The following XRCC5 variants were observed in gnomAD, a reference collection of about 807,000 sequenced individuals.
XRCC5 encodes X-ray repair cross complementing 5, also known as DNA repair protein Ku80.
A neutral mutation model predicts 95.7 loss-of-function variants in XRCC5; 12 were observed. That is an observed-to-expected ratio of 0.13 (90% CI 0.08 to 0.20). XRCC5 has a LOEUF of 0.20. Ranked by LOEUF, XRCC5 falls within the 10% of genes least tolerant of loss-of-function variation. The probability of loss-of-function intolerance (pLI) is 1.00; values close to 1 mark genes in which losing one functional copy is unlikely to be tolerated. For missense variants in XRCC5, 595 were observed against 873.9 expected (o/e 0.68, Z 4.02); for synonymous variants, 281 against 290.3 (o/e 0.97, Z 0.33).
At chr2:216,123,101 T>G (rs1305133217) in intron 6 of XRCC5, among the ~76,000 whole-genome samples, 1 of 152,210 alleles carries the variant, frequency 6.6e-6, no homozygotes. Flanking sequence ...GGGGTAATAC[T>G]GCTTGATATT....
chr2:216,137,499 T>G (rs940983851), intron 11 of XRCC5, among the ~76,000 whole-genome samples: 1 of 152,186 alleles, frequency 6.6e-6, no homozygotes, highest in Non-Finnish European at 1.5e-5. Flanking sequence ...AATCTTTTTA[T>G]TAAGTATTAT....
intron 16 of XRCC5, among the ~76,000 whole-genome samples, chr2:216,163,597 C>G (rs1375468624): frequency 1.9e-5 from 2 of 106,452 alleles, no homozygotes; most frequent in Admixed American, 8.7e-5. Context: ...CCACCGTGCC[C>G]GGCCCAAAAA....
chr2:216,198,600 A>G (rs182142012), intron 19 of XRCC5, among the ~76,000 whole-genome samples: 1 of 151,852 alleles, frequency 6.6e-6, no homozygotes, highest in Non-Finnish European at 1.5e-5. Context: ...CTGTTGCCCA[A>G]GCTGGAGTGT....
intron 18 of XRCC5, among the ~76,000 whole-genome samples, chr2:216,193,339 ATTTTCT>A (rs1348770829): frequency 6.6e-6 from 1 of 151,886 alleles, no homozygotes; most frequent in Non-Finnish European, 1.5e-5. Context: ...ACATGACCTG[ATTTTCT>A]TTTAGAACCC....
At chr2:216,156,589 T>G in intron 14 of XRCC5, 1 of 582,406 alleles carries the variant, frequency 1.7e-6, no homozygotes, top group Non-Finnish European at 3.4e-6. Flanking sequence ...CACGAACTTG[T>G]GCCAGTAGAA....
rs563083306 is a variant in XRCC5, at chr2:216,117,612, G to A, written c.320-134G>A. ...TATGTTAGTGAACTTTGGAAGAAGGGCACTCAGGCAAGTACTTTAAGTCAT... is the reference window on the plus strand; with the variant it reads ...TATGTTAGTGAACTTTGGAAGAAGGACACTCAGGCAAGTACTTTAAGTCAT... On this transcript the variant is annotated intron_variant, in intron 3 of 20. Transcript: ENST00000392132. 9 of 737,942 alleles carry A rather than the reference G, an allele frequency of 1.2e-5. No individual in the cohort carries two copies. The African/African-American group carries it at 1.6e-4, about 13-fold the overall frequency. The allele number at this position is 737,942 out of a possible 1,614,324, so 45.7% of individuals were successfully genotyped here. A position where few individuals can be genotyped will look rare whatever the true frequency, so the allele number is the denominator to read the frequency against.
chr2:216,177,265 C>T (rs1226322132), intron 16 of XRCC5, among the ~76,000 whole-genome samples: 3 of 152,074 alleles, frequency 2.0e-5, no homozygotes, highest in Non-Finnish European at 4.4e-5. Flanking sequence ...TTTTCCGTGA[C>T]GTTTTGAGTA....
intron 16 of XRCC5, among the ~76,000 whole-genome samples, chr2:216,177,237 T>C (rs4672793): frequency 0.056 from 8,468 of 152,294 alleles, 993 homozygotes; most frequent in East Asian, 0.45. Context: ...ATCTGTCTTT[T>C]GACTTTCTAT....
intron 6 of XRCC5, among the ~76,000 whole-genome samples, chr2:216,125,202 CT>C (rs533096830): frequency 0.096 from 13,318 of 138,702 alleles, 1,856 homozygotes; most frequent in African/African-American, 0.32. Context: ...TTCCTTTTTT[CT>C]TTTTTTTTTT....
At chr2:216,157,475 C>G (rs1235205605) in intron 14 of XRCC5, among the ~76,000 whole-genome samples, 3 of 152,158 alleles carry the variant, frequency 2.0e-5, no homozygotes, top group Non-Finnish European at 4.4e-5. Flanking sequence ...CCTCGTGATC[C>G]GCCTGCCTCA....
chr2:216,187,819 ACACTCTCTCTCTCT>A (rs1253816529), intron 16 of XRCC5, among the ~76,000 whole-genome samples: 22 of 51,006 alleles, frequency 4.3e-4, no homozygotes, highest in African/African-American at 1.4e-3. Context: ...ACACACACAC[ACACTCTCTCTCTCT>A]CTCTCTCTCT....
intron 16 of XRCC5, among the ~76,000 whole-genome samples, chr2:216,182,586 C>G (rs1054596316): frequency 1.3e-5 from 2 of 152,136 alleles, no homozygotes; most frequent in Non-Finnish European, 2.9e-5. Context: ...CTAGTCTTCA[C>G]CCCCCACCAC....
rs1173918907 is a variant in XRCC5 at position 216,190,459 on chromosome 2, T to C, written c.1944+125T>C. The C allele has an allele frequency of 3.2e-5, 22 of 691,248 alleles. No individual in the cohort carries two copies. In the East Asian group the frequency reaches 6.0e-4, roughly 19 times the overall value. 42.8% of individuals were successfully genotyped at this position (691,248 alleles called of 1,614,324 possible). A position where few individuals can be genotyped will look rare whatever the true frequency, so the allele number is the denominator to read the frequency against. On this transcript the variant is annotated intron_variant, in intron 17 of 20. Transcript: ENST00000392132. ...TTATCATTCTCAATATGAATAGCAG[T>C]GTATGCCAGTGGAGCTAAAAATGAC...
intron 12 of XRCC5, among the ~76,000 whole-genome samples, chr2:216,138,888 A>G (rs909233620): frequency 5.3e-5 from 8 of 152,218 alleles, no homozygotes; most frequent in South Asian, 2.1e-4. Context: ...CTGTGTTAAG[A>G]TTAGGGAATT....
chr2:216,200,116 A>G (rs1005871081), intron 19 of XRCC5, among the ~76,000 whole-genome samples: 2 of 152,116 alleles, frequency 1.3e-5, no homozygotes, highest in African/African-American at 4.8e-5. Flanking sequence ...AATTGACTGG[A>G]ATCCAGACCC....
At chr2:216,184,076 T>G (rs1689446109) in intron 16 of XRCC5, among the ~76,000 whole-genome samples, 2 of 100,176 alleles carry the variant, frequency 2.0e-5, no homozygotes, top group South Asian at 3.4e-4. Flanking sequence ...GTGTGTGTGA[T>G]TTAGAGAAAA....
chr2:216,194,958 G>C lies in XRCC5; in HGVS notation c.2081G>C (p.Ser694Thr). 6.2e-7 allele frequency: 1 copy of C among 1,614,186 alleles called. No individual in the cohort carries two copies. Among genetic ancestry groups the C allele is most frequent in the Non-Finnish European group, 8.5e-7 (1 of 1,180,022 alleles). The part of the protein sequence containing the change: ...TLITKEEASG[S>T]SVTAEEAKKF... Reference sequence around the variant, plus strand: ...ATCACCAAAGAGGAAGCCTCTGGAAGTTCTGTCACAGCTGAGGAAGCCAAA... The same window carrying C: ...ATCACCAAAGAGGAAGCCTCTGGAACTTCTGTCACAGCTGAGGAAGCCAAA... The change falls in exon 19 of 21, where the codon AGT becomes ACT. Residue 694 changes from serine (S) to threonine (T), a missense_variant. Physicochemically the swap from Ser to Thr is moderately conservative, Grantham distance 58 (BLOSUM62 1). Coordinates refer to ENST00000392132, the MANE Select transcript of XRCC5 (RefSeq NM_021141.4).
At chr2:216,172,204 C>A (rs1455010474) in intron 16 of XRCC5, among the ~76,000 whole-genome samples, 2 of 152,044 alleles carry the variant, frequency 1.3e-5, no homozygotes, top group Non-Finnish European at 2.9e-5. Flanking sequence ...TCTATAGATA[C>A]CTGGATTGTC....
At chr2:216,128,976 A>G (rs1441404018) in intron 8 of XRCC5, among the ~76,000 whole-genome samples, 1 of 152,230 alleles carries the variant, frequency 6.6e-6, no homozygotes, top group Middle Eastern at 3.2e-3. Flanking sequence ...GGACTGAGTA[A>G]TGAAGGGCTT....
Sources: allele counts gnomAD v4.1 joint callset (sites outside exome capture counted in the v4.1 genomes callset), GRCh38; gene constraint gnomAD v4.1.1; transcripts MANE v1.5; gene names NCBI Gene and HGNC (gene_info 2026-07-23, HGNC 2026-07-21).